Variants in FAM151A observed in about 807,000 individuals in gnomAD.
FAM151A encodes protein FAM151A.
FAM151A carries 41 observed loss-of-function variants against 40.4 expected under a neutral mutation model. The observed-to-expected ratio is 1.01, with a 90% confidence interval of 0.79 to 1.32. The LOEUF (loss-of-function observed/expected upper bound fraction) is 1.32. Among genes scored for constraint, FAM151A ranks in the 40% most tolerant of loss-of-function variants. The pLI is 0.00. For missense variants in FAM151A, 740 were observed against 740.4 expected, an observed-to-expected ratio of 1.00 and a Z score of 0.01; for synonymous variants, 337 against 312.5, an observed-to-expected ratio of 1.08 and a Z score of -0.83.
At chr1:54,614,196 G>T (rs1644147355) in intron 4 of FAM151A, among the ~76,000 whole-genome samples, 1 of 152,194 alleles carries the variant, frequency 6.6e-6, no homozygotes, top group Non-Finnish European at 1.5e-5. Context: ...AGAGCACTGT[G>T]CAACTACTGT....
chr1:54,609,311 T>C lies in FAM151A; in HGVS notation c.1715A>G (p.Gln572Arg). 2 of 1,612,276 alleles carry C rather than the reference T, an allele frequency of 1.2e-6. No homozygotes were observed. Among genetic ancestry groups the C allele is most frequent in the Non-Finnish European group, 1.7e-6 (2 of 1,178,688 alleles). ...DRTRVYYRLP[Q>R]GYHKDLLAHV... Reference sequence around the variant, plus strand: ...AGCCAGCAAGTCCTTGTGGTAGCCCTGGGGTAGCCTGTAGTAGACTCGGGT... The same window carrying C: ...AGCCAGCAAGTCCTTGTGGTAGCCCCGGGGTAGCCTGTAGTAGACTCGGGT... The change falls in exon 8 of 8, where the codon CAG (glutamine) becomes CGG (arginine). Residue 572 changes from glutamine to arginine, a missense_variant. Physicochemically the swap from Gln to Arg is conservative, Grantham distance 43. Coordinates refer to ENST00000302250, the MANE Select transcript of FAM151A (RefSeq NM_176782.3).
chr1:54,611,366 C>CT (rs2101014457), intron 6 of FAM151A, among the ~76,000 whole-genome samples: 1 of 152,256 alleles, frequency 6.6e-6, no homozygotes, highest in South Asian at 2.1e-4. Context: ...CGCCGCTGCA[C>CT]TCCAGCCTGG....
chr1:54,616,406 C>T (rs1337293297), intron 2 of FAM151A, among the ~76,000 whole-genome samples: 1 of 151,934 alleles, frequency 6.6e-6, no homozygotes, highest in East Asian at 1.9e-4. Flanking sequence ...CTCTATCGCC[C>T]AGGCTGGAGT....
In FAM151A at chr1:54,620,110, A is replaced by G. The variant is rs545435022; in HGVS notation, c.119-103T>C. On this transcript the variant is annotated intron_variant, in intron 1 of 7. Coordinates refer to ENST00000302250, the MANE Select transcript of FAM151A (RefSeq NM_176782.3). Reference sequence around the variant, plus strand: ...TCCCTGGGCTCCCACTGTGTCCAGTACCCCATCTGGCAGAGGGACGGTGAG... The same window carrying G: ...TCCCTGGGCTCCCACTGTGTCCAGTGCCCCATCTGGCAGAGGGACGGTGAG... The G allele has an allele frequency of 7.1e-5, 89 of 1,249,554 alleles. No homozygotes were observed. In the African/African-American group the frequency reaches 1.2e-3, roughly 17 times the overall value. 77.4% of individuals were successfully genotyped at this position (1,249,554 alleles called of 1,614,324 possible).
chr1:54,617,877 C>T (rs113785018), intron 2 of FAM151A, among the ~76,000 whole-genome samples: 1 of 151,714 alleles, frequency 6.6e-6, no homozygotes, highest in Non-Finnish European at 1.5e-5. Context: ...GTATGCACCA[C>T]CACCATGCAC....
chr1:54,619,795 C>G, intron 2 of FAM151A, 69 bp downstream of exon 2: 3 of 1,528,564 alleles, frequency 2.0e-6, no homozygotes, highest in Non-Finnish European at 2.7e-6. Flanking sequence ...GTGTCTGATC[C>G]TCACTTCTCT....
chr1:54,611,663 G>C lies in FAM151A; in HGVS notation c.883C>G (p.His295Asp). 6.2e-7 allele frequency: 1 copy of C among 1,614,100 alleles called. No homozygotes were observed. The highest frequency in any genetic ancestry group is 1.6e-4 in the Middle Eastern group (1 of 6,062). Residue 295 changes from histidine to aspartate, a missense_variant, in exon 6 of 8, where the codon CAC becomes GAC. Transcript: ENST00000302250. ...LLYVRDNTAV[H>D]QVYYDIFEPL... ...TCAAAGATGTCATAGTAGACTTGGT[G>C]GACAGCAGTGTTATCCCGGACGTAG...
chr1:54,618,979 C>G (rs1403736363), intron 2 of FAM151A, among the ~76,000 whole-genome samples: 3 of 152,156 alleles, frequency 2.0e-5, no homozygotes, highest in African/African-American at 7.2e-5. Flanking sequence ...ATTTCTGTTG[C>G]TTCAGCGTAA....
At chr1:54,617,452 A>T (rs1315168747) in intron 2 of FAM151A, among the ~76,000 whole-genome samples, 1 of 138,170 alleles carries the variant, frequency 7.2e-6, no homozygotes, top group Non-Finnish European at 1.5e-5. Flanking sequence ...TGATCATGTC[A>T]CTTTCTGTTA....
rs780998155 is a variant in FAM151A, at chr1:54,614,768, G to A, written c.507C>T (p.Pro169=). The change falls in exon 4 of 8, where the codon CCC becomes CCT. Residue 169 remains proline (P), a synonymous_variant. Coordinates refer to ENST00000302250, the MANE Select transcript of FAM151A (RefSeq NM_176782.3). ...TTAAGATGTCAGCGTTGATCCATAT[G>A]GGCCGCCGGACTTTGCCTTCCTCTG... is the stretch of plus-strand genomic sequence containing the variant. ...QLTEEGKVRR[P]IWINADILKG... is the part of the protein sequence containing the mutation. 2.5e-5 allele frequency: 41 copies of A among 1,614,004 alleles called. No homozygotes were observed. Among genetic ancestry groups the A allele is most frequent in the Middle Eastern group, 3.3e-4 (2 of 6,084 alleles).
intron 3 of FAM151A, 94 bp from the exon 4 acceptor site, chr1:54,614,953 T>C (rs2101018951): frequency 7.8e-7 from 1 of 1,275,550 alleles, no homozygotes; most frequent in African/African-American, 1.5e-5. Flanking sequence ...TGTGTGTGTG[T>C]GCATGTGCGT....
intron 1 of FAM151A, 92 bp from the exon 2 acceptor site, chr1:54,620,099 C>A: frequency 7.3e-7 from 1 of 1,374,748 alleles, no homozygotes; most frequent in Non-Finnish European, 1.0e-6. Flanking sequence ...TGGGCTCCCA[C>A]TGTGTCCAGT....
intron 4 of FAM151A, among the ~76,000 whole-genome samples, chr1:54,613,106 G>A (rs977196926): frequency 1.1e-4 from 16 of 152,138 alleles, no homozygotes; most frequent in Admixed American, 5.2e-4. Context: ...CCTGCCAGGT[G>A]TGGTGGCTCA....
intron 2 of FAM151A, among the ~76,000 whole-genome samples, chr1:54,619,022 TGGTTGA>T (rs1343060128): frequency 2.6e-5 from 4 of 152,160 alleles, no homozygotes; most frequent in Non-Finnish European, 4.4e-5. Flanking sequence ...AGCCCTGCTT[TGGTTGA>T]TTTGGTCATT....
rs768990252 is a variant in FAM151A, at chr1:54,619,914, G to C, written c.212C>G (p.Thr71Ser). 5 of 1,614,054 alleles carry C rather than the reference G, an allele frequency of 3.1e-6. No individual in the cohort carries two copies. The highest frequency in any genetic ancestry group is 4.2e-6 in the Non-Finnish European group (5 of 1,180,060). Reference sequence around the variant, plus strand: ...CTTGCTGTTGGCTGCGTGGTACCAGGTGACCTCCAAGGCATCTCGCCGGCT... The same window carrying C: ...CTTGCTGTTGGCTGCGTGGTACCAGCTGACCTCCAAGGCATCTCGCCGGCT... ...QISRRDALEVTWYHAANSKKA... is the reference protein window; with the variant it reads ...QISRRDALEVSWYHAANSKKA... The change falls in exon 2 of 8, where the codon ACC (threonine) becomes AGC (serine). Residue 71 changes from threonine to serine, a missense_variant. Thr to Ser is a moderately conservative substitution (Grantham distance 58, BLOSUM62 1). Transcript: ENST00000302250.
intron 4 of FAM151A, among the ~76,000 whole-genome samples, chr1:54,613,452 G>A (rs915600398): frequency 6.7e-6 from 1 of 149,830 alleles, no homozygotes; most frequent in Non-Finnish European, 1.5e-5. Flanking sequence ...TTCCCTTCAT[G>A]TCTTTCTCTC....
chr1:54,619,178 G>A (rs1052459562), intron 2 of FAM151A, among the ~76,000 whole-genome samples: 4 of 152,182 alleles, frequency 2.6e-5, no homozygotes, highest in African/African-American at 9.7e-5. Context: ...TCTGAAACGT[G>A]CCCAGGTTTG....
chr1:54,617,924 AC>A, intron 2 of FAM151A, among the ~76,000 whole-genome samples: 1 of 150,778 alleles, frequency 6.6e-6, no homozygotes, highest in African/African-American at 2.4e-5. Flanking sequence ...ATGCGGTTTC[AC>A]CATATCAGTC....
rs375572721 is a variant in FAM151A, at chr1:54,611,714, C to G, written c.832G>C (p.Asp278His). Residue 278 changes from aspartate (D) to histidine (H), a missense_variant, in exon 6 of 8, where the codon GAC becomes CAC. By Grantham distance (81) the Asp-to-His change is moderately conservative (BLOSUM62 -1). Transcript: ENST00000302250. ...YSLTLWQAASDPMSVEDLLYV... is the reference protein window; with the variant it reads ...YSLTLWQAASHPMSVEDLLYV... Reference sequence around the variant, plus strand: ...AGCAGATCTTCCACCGACATGGGGTCCGAGGCAGCCTGCCACAGCGTCAGG... The same window carrying G: ...AGCAGATCTTCCACCGACATGGGGTGCGAGGCAGCCTGCCACAGCGTCAGG... 7.4e-6 allele frequency: 12 copies of G among 1,614,066 alleles called. No individual in the cohort carries two copies. In the African/African-American group the frequency reaches 1.5e-4, roughly 20 times the overall value.
Sources: allele counts gnomAD v4.1 joint callset (sites outside exome capture counted in the v4.1 genomes callset), GRCh38; gene constraint gnomAD v4.1.1; transcripts MANE v1.5; gene names NCBI Gene and HGNC (gene_info 2026-07-23, HGNC 2026-07-21).